The following CLDN2 variants were observed in gnomAD, a reference collection of about 807,000 sequenced individuals.
The protein encoded by CLDN2 is claudin-2.
In CLDN2, 1 loss-of-function variant was observed where a neutral mutation model predicts 8.2. The observed-to-expected ratio is 0.12, with a 90% CI of 0.04 to 0.58. The LOEUF is 0.58. Among genes scored for constraint, CLDN2 ranks in the 20% least tolerant of loss-of-function variants. The pLI, the probability that CLDN2 is intolerant of heterozygous loss-of-function variation, is 0.90. For missense variants in CLDN2, 108 were observed against 172.9 expected, an observed-to-expected ratio of 0.62 and a Z score of 2.11; for synonymous variants, 70 against 70.2, an observed-to-expected ratio of 1.00 and a Z score of 0.01.
upstream of CLDN2, among the ~76,000 whole-genome samples, chrX:106,914,526 G>A (rs913117184): frequency 6.3e-5 from 7 of 111,665 alleles, no homozygotes; most frequent in African/African-American, 2.3e-4. Flanking sequence ...AACAGCTGGA[G>A]TGCAAGAGCA....
upstream of CLDN2, among the ~76,000 whole-genome samples, chrX:106,917,885 G>C (rs947774890): frequency 9.0e-6 from 1 of 111,197 alleles, no homozygotes; most frequent in African/African-American, 3.3e-5. Context: ...GATCTCAGCA[G>C]GGGTCTTGGC....
intron 1 of CLDN2, among the ~76,000 whole-genome samples, chrX:106,907,017 TC>T (rs1400716333): frequency 9.0e-6 from 1 of 111,663 alleles, no homozygotes; most frequent in Non-Finnish European, 1.9e-5. Context: ...TTTTCCTGGC[TC>T]CCATTCACAC....
chrX:106,913,610 C>G (rs1010211566), upstream of CLDN2, among the ~76,000 whole-genome samples: 3 of 112,068 alleles, frequency 2.7e-5, no homozygotes, highest in Non-Finnish European at 5.6e-5. Flanking sequence ...TATCATCTCG[C>G]AGTTATATAG....
Position 106,928,234 on chromosome X carries a change from C to A in CLDN2, c.6C>A (p.Ala2=). 8.3e-7 allele frequency: 1 copy of A among 1,207,464 alleles called. No homozygotes were observed. Among genetic ancestry groups the A allele is most frequent in the South Asian group, 1.8e-5 (1 of 56,266 alleles). M[A]SLGLQLVGYI... ...CTTCTACTGAGAGGTCTGCCATGGC[C>A]TCTCTTGGCCTCCAACTTGTGGGCT... Residue 2 remains alanine, a synonymous_variant, in exon 2 of 2, where the codon GCC becomes GCA. Coordinates refer to ENST00000336803, the MANE Select transcript of CLDN2 (RefSeq NM_020384.4).
chrX:106,906,865 C>T (rs1313848966), intron 1 of CLDN2, among the ~76,000 whole-genome samples: 1 of 111,949 alleles, frequency 8.9e-6, no homozygotes, highest in African/African-American at 3.2e-5. Context: ...AACAAGAACT[C>T]CCCCTCCACT....
At chrX:106,924,065 A>C (rs1933432408) in intron 1 of CLDN2, among the ~76,000 whole-genome samples, 2 of 111,713 alleles carry the variant, frequency 1.8e-5, no homozygotes, top group Admixed American at 1.9e-4. Context: ...AGACAAGGTG[A>C]GATGACAGAG....
chrX:106,905,335 C>A (rs771572191), intron 1 of CLDN2, among the ~76,000 whole-genome samples: 79 of 111,951 alleles, frequency 7.1e-4, no homozygotes, highest in Non-Finnish European at 1.4e-3. Context: ...GAAATGAGTT[C>A]AGTGAAATGT....
At chrX:106,917,659 TC>T (rs1251390809), upstream of CLDN2, among the ~76,000 whole-genome samples, 1 of 110,826 alleles carries the variant, frequency 9.0e-6, no homozygotes, top group Non-Finnish European at 1.9e-5. Flanking sequence ...GACCTTGCTT[TC>T]TACAGAGCTC....
chrX:106,924,512 T>G (rs1013962772), intron 1 of CLDN2, among the ~76,000 whole-genome samples: 2 of 110,497 alleles, frequency 1.8e-5, no homozygotes, highest in Non-Finnish European at 3.8e-5. Flanking sequence ...TATGTTTCTC[T>G]CCCTTCATCA....
upstream of CLDN2, among the ~76,000 whole-genome samples, chrX:106,920,039 G>A (rs748226310): frequency 5.4e-5 from 6 of 111,944 alleles, no homozygotes; most frequent in Non-Finnish European, 1.1e-4. Flanking sequence ...GCCATGCAGG[G>A]CTGCTTGGGC....
At chrX:106,910,378 A>G (rs1420450884) in intron 1 of CLDN2, among the ~76,000 whole-genome samples, 2 of 111,105 alleles carry the variant, frequency 1.8e-5, no homozygotes, top group Non-Finnish European at 3.8e-5. Flanking sequence ...CAAAAATCTT[A>G]TGAGGTAGTT....
In CLDN2 at chrX:106,930,622, A is replaced by T. The variant is rs1933540148; in HGVS notation, c.*1701A>T. 1 of 122,664 alleles carries T rather than the reference A, an allele frequency of 8.2e-6. No individual in the cohort carries two copies. The highest frequency in any genetic ancestry group is 1.9e-5 in the Non-Finnish European group (1 of 53,039). The allele number at this position is 122,664 out of a possible 1,213,427, so 10.1% of individuals were successfully genotyped here. A position where few individuals can be genotyped will look rare whatever the true frequency, so the allele number is the denominator to read the frequency against. ...CACCTCCTTCATTGAGCCTTCTCTG[A>T]TCACTCCATCCCTCTCCTACCCCTC... On this transcript the variant is annotated 3_prime_UTR_variant, in exon 2 of 2. Transcript: ENST00000336803.
chrX:106,906,956 T>C (rs981167671), intron 1 of CLDN2, among the ~76,000 whole-genome samples: 1 of 111,641 alleles, frequency 9.0e-6, no homozygotes, highest in East Asian at 2.8e-4. Context: ...CTCTATTTTC[T>C]TTCCCTCACT....
At chrX:106,922,027 G>A (rs765419338) in intron 1 of CLDN2, among the ~76,000 whole-genome samples, 9 of 112,227 alleles carry the variant, frequency 8.0e-5, no homozygotes, top group Non-Finnish European at 1.3e-4. Context: ...TCTTGGAGAT[G>A]ACAAACTAGG....
At chrX:106,919,429 T>G (rs934652768), upstream of CLDN2, among the ~76,000 whole-genome samples, 1 of 111,715 alleles carries the variant, frequency 9.0e-6, no homozygotes, top group African/African-American at 3.3e-5. Flanking sequence ...CAGCATGTTT[T>G]TTTGTTTGTT....
At chrX:106,913,428 G>T (rs760397627), upstream of CLDN2, among the ~76,000 whole-genome samples, 1 of 112,185 alleles carries the variant, frequency 8.9e-6, no homozygotes, top group Admixed American at 9.4e-5. Flanking sequence ...GAGTACAAAA[G>T]GTTCACCGAT....
At chrX:106,910,775 T>G (rs745420554) in intron 1 of CLDN2, among the ~76,000 whole-genome samples, 3 of 111,095 alleles carry the variant, frequency 2.7e-5, no homozygotes, top group Non-Finnish European at 5.7e-5. Context: ...TTAAGCAATT[T>G]ACCCAGGCTC....
At chrX:106,901,242 A>G (rs1336885315) in intron 1 of CLDN2, among the ~76,000 whole-genome samples, 1 of 111,967 alleles carries the variant, frequency 8.9e-6, no homozygotes, top group Non-Finnish European at 1.9e-5. Context: ...TCCACTGAGG[A>G]TTATTTCACT....
intron 1 of CLDN2, among the ~76,000 whole-genome samples, chrX:106,904,246 C>T (rs1292801519): frequency 8.8e-6 from 1 of 113,134 alleles, no homozygotes. Flanking sequence ...TGAACCCGGG[C>T]AAGCCCAGAG....
Sources: gnomAD v4.1 joint callset for allele counts (sites outside exome capture counted in the v4.1 genomes callset) on GRCh38, gnomAD v4.1.1 for gene constraint, MANE v1.5 for transcripts, NCBI Gene and HGNC (gene_info 2026-07-23, HGNC 2026-07-21) for gene names.